The following ZFYVE28 variants were observed in gnomAD, a reference collection of about 807,000 sequenced individuals.
The protein encoded by ZFYVE28 is zinc finger FYVE-type containing 28.
ZFYVE28 carries 40 observed loss-of-function variants against 82.1 expected under a neutral mutation model. The observed-to-expected ratio is 0.49, with a 90% CI of 0.38 to 0.63. ZFYVE28 has a LOEUF of 0.63. Ranked by LOEUF, ZFYVE28 falls within the 30% of genes least tolerant of loss-of-function variation. ZFYVE28 has a pLI of 0.00. For synonymous variants in ZFYVE28, 612 were observed against 546.1 expected, an observed-to-expected ratio of 1.12 and a Z score of -1.68; for missense variants, 1,321 against 1,242.1, an observed-to-expected ratio of 1.06 and a Z score of -0.96.
chr4:2,356,741 G>C (rs1004712156), intron 1 of ZFYVE28, among the ~76,000 whole-genome samples: 1 of 152,238 alleles, frequency 6.6e-6, no homozygotes, highest in African/African-American at 2.4e-5. Flanking sequence ...GAGAGGAGGG[G>C]AGGCGGGGAA....
intron 3 of ZFYVE28, among the ~76,000 whole-genome samples, chr4:2,340,874 C>T (rs1210070107): frequency 7.2e-5 from 11 of 151,962 alleles, no homozygotes; most frequent in Admixed American, 1.3e-4. Context: ...AAAGGGGAGG[C>T]GGGCAGGATG....
intron 1 of ZFYVE28, among the ~76,000 whole-genome samples, chr4:2,399,157 G>A (rs938655365): frequency 7.6e-4 from 116 of 152,192 alleles, no homozygotes; most frequent in African/African-American, 2.7e-3. Context: ...GGCACAAGGT[G>A]GGGTGAGATC....
intron 1 of ZFYVE28, among the ~76,000 whole-genome samples, chr4:2,377,714 T>C (rs553667186): frequency 6.6e-6 from 1 of 152,356 alleles, no homozygotes; most frequent in African/African-American, 2.4e-5. Context: ...TCTTTTCTGT[T>C]AATTCTAAAG....
At position 2,341,343 on chromosome 4, in the gene ZFYVE28, A is replaced by G; in HGVS notation, c.318+135T>C. The G allele has an allele frequency of 1.6e-5, 20 of 1,262,812 alleles. No individual in the cohort carries two copies. Among genetic ancestry groups the G allele is most frequent in the Non-Finnish European group, 2.2e-5 (20 of 905,886 alleles). 78.2% of individuals were successfully genotyped at this position (1,262,812 alleles called of 1,614,324 possible). A position where few individuals can be genotyped will look rare whatever the true frequency, so the allele number is the denominator to read the frequency against. ...CTACCAGGCTCAGACCACACCACGT[A>G]ACCCAGAGTGGACGGAGCTCTTGGA... is the stretch of plus-strand genomic sequence containing the variant. On this transcript the variant is annotated intron_variant, in intron 3 of 12. Coordinates refer to ENST00000290974, the MANE Select transcript of ZFYVE28 (RefSeq NM_020972.3). This position sits in a 1 kb window ranked among gnomAD's most constrained non-coding sequence, Gnocchi z 4.5.
rs1314900426 is a variant in ZFYVE28, at chr4:2,394,882, C to A, written c.39+23403G>T. Among the ~76,000 whole-genome samples the A allele has an allele frequency of 6.6e-6, 1 of 152,264 alleles. No individual in the cohort carries two copies. The highest frequency in any genetic ancestry group is 1.9e-4 in the East Asian group (1 of 5,206). On this transcript the variant is annotated intron_variant, in intron 1 of 12. Coordinates refer to ENST00000290974, the MANE Select transcript of ZFYVE28 (RefSeq NM_020972.3). The surrounding 1 kb of genome is among the most constrained non-coding windows in gnomAD (Gnocchi z 4.0). ...GCAGGTGCCTCGCAAATTCAAGGGA[C>A]TATCATTCAATCTCTTCCCTGCAAA...
Position 2,309,650 on chromosome 4 carries a change from G to A in ZFYVE28, c.804-4114C>T, listed in dbSNP as rs185676212. 6.2e-4 allele frequency among the ~76,000 whole-genome samples: 94 copies of A among 152,048 alleles called. 2 individuals are homozygous for A. The highest frequency in any genetic ancestry group is 2.1e-3 in the African/African-American group (86 of 41,458). On this transcript the variant is annotated intron_variant, in intron 7 of 12. Coordinates refer to ENST00000290974, the MANE Select transcript of ZFYVE28 (RefSeq NM_020972.3). ...ATTTTCCTTCTATTTTTGCCTTATT[G>A]CACTTGCTGGGCCAGAAAACAATGT...
chr4:2,350,748 A>G (rs1724305735), intron 2 of ZFYVE28, among the ~76,000 whole-genome samples: 1 of 152,204 alleles, frequency 6.6e-6, no homozygotes, highest in African/African-American at 2.4e-5. Context: ...ATGATATATA[A>G]TCAATCATGG....
Position 2,341,681 on chromosome 4 carries a change from T to C in ZFYVE28, c.181-66A>G. On this transcript the variant is annotated intron_variant, in intron 2 of 12. Transcript: ENST00000290974. The surrounding 1 kb of genome is among the most constrained non-coding windows in gnomAD (Gnocchi z 4.5). ...CCAGCTGGCGGCCGCCATGTACTGC[T>C]GGAAAACACGCACGGTGCATGTGAC... 9 of 1,572,760 alleles carry C rather than the reference T, an allele frequency of 5.7e-6. No homozygotes were observed. The highest frequency in any genetic ancestry group is 7.8e-6 in the Non-Finnish European group (9 of 1,151,956).
intron 1 of ZFYVE28, among the ~76,000 whole-genome samples, chr4:2,391,737 TCTC>T (rs1414048116): frequency 1.0e-5 from 1 of 96,520 alleles, no homozygotes; most frequent in Non-Finnish European, 2.4e-5. Context: ...CAATTCTCTC[TCTC>T]TTTTTTTTTT....
At position 2,304,379 on chromosome 4, in the gene ZFYVE28, C is replaced by A; in HGVS notation, c.1961G>T (p.Gly654Val). The A allele has an allele frequency of 6.2e-7, 1 of 1,612,224 alleles. No homozygotes were observed. Reference sequence around the variant, plus strand: ...CTCTGGCTCCTGCTGACCTGCAACCCCAGCCTCTCCTTGCAGCCCACTCGC... The same window carrying A: ...CTCTGGCTCCTGCTGACCTGCAACCACAGCCTCTCCTTGCAGCCCACTCGC... ...DTASGLQGEA[G>V]VAGQQEPEAR... Residue 654 changes from glycine (G) to valine (V), a missense_variant, in exon 8 of 13, where the codon GGG becomes GTG. Physicochemically the swap from Gly to Val is moderately radical, Grantham distance 109. Coordinates refer to ENST00000290974, the MANE Select transcript of ZFYVE28 (RefSeq NM_020972.3).
chr4:2,349,039 G>T, intron 2 of ZFYVE28, among the ~76,000 whole-genome samples: 1 of 152,124 alleles, frequency 6.6e-6, no homozygotes. Flanking sequence ...CACCCAGTCT[G>T]AGTGGATTTA....
At chr4:2,328,168 C>G (rs1242611685) in intron 6 of ZFYVE28, among the ~76,000 whole-genome samples, 1 of 152,130 alleles carries the variant, frequency 6.6e-6, no homozygotes, top group East Asian at 1.9e-4. Flanking sequence ...AAGCGTTTAA[C>G]AGATGAATAA....
At chr4:2,385,087 G>A (rs758296204) in intron 1 of ZFYVE28, among the ~76,000 whole-genome samples, 1 of 152,214 alleles carries the variant, frequency 6.6e-6, no homozygotes, top group Non-Finnish European at 1.5e-5. Context: ...GCCCAGGACT[G>A]GCGAGAAGGG....
chr4:2,380,433 C>T (rs1728613607), intron 1 of ZFYVE28, among the ~76,000 whole-genome samples: 1 of 152,216 alleles, frequency 6.6e-6, no homozygotes, highest in South Asian at 2.1e-4. Flanking sequence ...TGCTTCATGA[C>T]CAAAAGTCAT....
intron 8 of ZFYVE28, among the ~76,000 whole-genome samples, chr4:2,279,643 T>C (rs1315833900): frequency 6.6e-6 from 1 of 151,384 alleles, no homozygotes; most frequent in African/African-American, 2.4e-5. Context: ...TAGCCAGGCA[T>C]GGTGGCGGGC....
intron 7 of ZFYVE28, among the ~76,000 whole-genome samples, chr4:2,309,174 T>G (rs1341228892): frequency 1.3e-5 from 2 of 151,872 alleles, no homozygotes; most frequent in African/African-American, 4.8e-5. Flanking sequence ...ACCACAAGAG[T>G]GGGTTGTCAT....
chr4:2,369,907 G>A (rs1434472581), intron 1 of ZFYVE28, among the ~76,000 whole-genome samples: 2 of 141,342 alleles, frequency 1.4e-5, no homozygotes, highest in African/African-American at 5.3e-5. Context: ...CTGGAGTGCA[G>A]TGGCGTGATC....
chr4:2,327,862 T>C (rs1720112899), intron 6 of ZFYVE28, among the ~76,000 whole-genome samples: 1 of 152,214 alleles, frequency 6.6e-6, no homozygotes, highest in Non-Finnish European at 1.5e-5. Context: ...CAGTGAGATA[T>C]CATTTCTCAT....
chr4:2,284,140 G>A (rs1330615939), intron 8 of ZFYVE28, among the ~76,000 whole-genome samples: 3 of 152,334 alleles, frequency 2.0e-5, no homozygotes, highest in Non-Finnish European at 2.9e-5. Flanking sequence ...GCTCAGGCTC[G>A]CTGTGGAGCA....
Sources: gnomAD v4.1 joint callset for allele counts (sites outside exome capture counted in the v4.1 genomes callset) on GRCh38, gnomAD v4.1.1 for gene constraint, Gnocchi (gnomAD v3.1) non-coding constraint, MANE v1.5 for transcripts, NCBI Gene and HGNC (gene_info 2026-07-23, HGNC 2026-07-21) for gene names.